PSPC1: variants seen among roughly 807,000 people sequenced by gnomAD.
PSPC1 encodes paraspeckle component 1.
PSPC1 carries 14 observed loss-of-function variants against 51.6 expected under a neutral mutation model. That is an observed-to-expected ratio of 0.27 (90% CI 0.18 to 0.42). The LOEUF (loss-of-function observed/expected upper bound fraction) is 0.42, where lower values mean the gene tolerates loss of function less well. Among genes scored for constraint, PSPC1 ranks in the 10% least tolerant of loss-of-function variants. PSPC1 has a pLI of 1.00. For missense variants in PSPC1, 406 were observed against 701.1 expected (o/e 0.58, Z 4.75); for synonymous variants, 193 against 231.9 (o/e 0.83, Z 1.53).
Position 19,778,504 on chromosome 13 carries a change from G to T in PSPC1, c.372+3882C>A, listed in dbSNP as rs1312104026. 6.2e-3 allele frequency among the ~76,000 whole-genome samples: 888 copies of T among 142,626 alleles called. 4 individuals are homozygous for T. Among genetic ancestry groups the T allele is most frequent in the Non-Finnish European group, 9.1e-3 (587 of 64,746 alleles). 93.6% of individuals were successfully genotyped at this position (142,626 alleles called of 152,430 possible). ...CTGCCTGATTCTCCTGCCTCAGTCT[G>T]CCGAATGCCTGCAATTGCAGGCACG... On this transcript the variant is annotated intron_variant, in intron 1 of 8. Transcript: ENST00000338910.
At chr13:19,751,911 A>T (rs1159403155) in intron 3 of PSPC1, among the ~76,000 whole-genome samples, 1 of 152,078 alleles carries the variant, frequency 6.6e-6, no homozygotes, top group Non-Finnish European at 1.5e-5. Flanking sequence ...CAAAAAAATT[A>T]GCCGGGCGTG....
intron 6 of PSPC1, chr13:19,677,924 A>G: frequency 2.3e-6 from 1 of 438,916 alleles, no homozygotes; most frequent in South Asian, 1.6e-5. Context: ...CATAACAGTA[A>G]TTGAGGTTTC....
intron 2 of PSPC1, among the ~76,000 whole-genome samples, chr13:19,767,278 A>G (rs1160554240): frequency 6.6e-6 from 1 of 152,208 alleles, no homozygotes; most frequent in Non-Finnish European, 1.5e-5. Context: ...ATTGTGTTGT[A>G]AAACAGCAGA....
intron 6 of PSPC1, among the ~76,000 whole-genome samples, chr13:19,680,182 T>TGAAAACC (rs1877113298): frequency 6.6e-6 from 1 of 152,034 alleles, no homozygotes; most frequent in Non-Finnish European, 1.5e-5. Flanking sequence ...GCCCAGCTAA[T>TGAAAACC]TTTTGTATTT....
intron 2 of PSPC1, among the ~76,000 whole-genome samples, chr13:19,768,807 T>G (rs996914481): frequency 6.6e-6 from 1 of 150,816 alleles, no homozygotes; most frequent in Non-Finnish European, 1.5e-5. Context: ...ACAATGAGAT[T>G]GCGCTAAACT....
chr13:19,743,044 G>C (rs1258062632), intron 4 of PSPC1, among the ~76,000 whole-genome samples: 1 of 152,114 alleles, frequency 6.6e-6, no homozygotes, highest in Non-Finnish European at 1.5e-5. Context: ...ATCAAGAATG[G>C]GGGGGTTCCA....
In PSPC1 at chr13:19,702,974, A is replaced by G; in HGVS notation, c.*201T>C. 1 of 454,878 alleles carries G rather than the reference A, an allele frequency of 2.2e-6. No homozygotes were observed. Among genetic ancestry groups the G allele is most frequent in the South Asian group, 3.5e-5 (1 of 28,640 alleles). The allele number at this position is 454,878 out of a possible 1,614,324, so 28.2% of individuals were successfully genotyped here. A position where few individuals can be genotyped will look rare whatever the true frequency, so the allele number is the denominator to read the frequency against. ...AGTCACAAACACATTTCAACATTCA[A>G]AATGATGAGCATCATTACCATTCTA... is the stretch of plus-strand genomic sequence containing the variant. On this transcript the variant is annotated 3_prime_UTR_variant, in exon 9 of 9. Coordinates refer to ENST00000338910, the MANE Select transcript of PSPC1 (RefSeq NM_001354909.2).
At chr13:19,683,270 A>G (rs1877489322) in intron 6 of PSPC1, among the ~76,000 whole-genome samples, 1 of 152,238 alleles carries the variant, frequency 6.6e-6, no homozygotes, top group East Asian at 1.9e-4. Flanking sequence ...CCAAGAGCAT[A>G]TCAATAGAAA....
At chr13:19,751,525 T>C in intron 3 of PSPC1, 58 bp from the exon 4 acceptor site, 1 of 1,261,920 alleles carries the variant, frequency 7.9e-7, no homozygotes, top group Non-Finnish European at 1.1e-6. Context: ...CAACAACAAA[T>C]GAGAACAACA....
chr13:19,684,247 C>T (rs1877598852), intron 6 of PSPC1, among the ~76,000 whole-genome samples: 1 of 152,090 alleles, frequency 6.6e-6, no homozygotes, highest in Admixed American at 6.6e-5. Flanking sequence ...CAAAAACAGT[C>T]AAGAAAAAAA....
chr13:19,715,026 A>G (rs1881926466), intron 6 of PSPC1, among the ~76,000 whole-genome samples: 1 of 152,220 alleles, frequency 6.6e-6, no homozygotes, highest in African/African-American at 2.4e-5. Context: ...ACAAAACATA[A>G]AACAACACCA....
At chr13:19,678,440 TATTC>T (rs945626650) in intron 6 of PSPC1, 2 of 152,290 alleles carry the variant, frequency 1.3e-5, no homozygotes, top group African/African-American at 4.8e-5. Context: ...ATGCCTGAAA[TATTC>T]ATACAGTCAT....
At chr13:19,720,627 A>C (rs1310289578) in intron 6 of PSPC1, among the ~76,000 whole-genome samples, 5 of 152,236 alleles carry the variant, frequency 3.3e-5, no homozygotes, top group African/African-American at 1.2e-4. Flanking sequence ...ATAAAAATCA[A>C]AGTTATTTAA....
chr13:19,680,360 T>C (rs1877140485), intron 6 of PSPC1, among the ~76,000 whole-genome samples: 2 of 152,158 alleles, frequency 1.3e-5, no homozygotes, highest in Admixed American at 6.5e-5. Context: ...TTACTTCTAT[T>C]CAATATTTGA....
intron 4 of PSPC1, among the ~76,000 whole-genome samples, chr13:19,743,503 G>A: frequency 6.6e-6 from 1 of 152,148 alleles, no homozygotes; most frequent in East Asian, 1.9e-4. Flanking sequence ...GATTCAGACA[G>A]ATTATAAAGT....
intron 3 of PSPC1, among the ~76,000 whole-genome samples, chr13:19,757,743 G>T (rs1186855194): frequency 6.6e-6 from 1 of 152,204 alleles, no homozygotes; most frequent in Admixed American, 6.5e-5. Flanking sequence ...ACACTGCAGA[G>T]TGTACTTTCA....
At chr13:19,674,496 G>A (rs1403895702), downstream of PSPC1, 3 of 152,172 alleles carry the variant, frequency 2.0e-5, no homozygotes, top group Non-Finnish European at 4.4e-5. Flanking sequence ...GCATTATACT[G>A]GGTAGCTTTG....
chr13:19,778,502 C>T (rs1889464907), intron 1 of PSPC1, among the ~76,000 whole-genome samples: 1 of 142,894 alleles, frequency 7.0e-6, no homozygotes, highest in African/African-American at 2.6e-5. Context: ...CTGCCTCAGT[C>T]TGCCGAATGC....
At chr13:19,684,002 C>T (rs1877575536) in intron 6 of PSPC1, among the ~76,000 whole-genome samples, 2 of 152,058 alleles carry the variant, frequency 1.3e-5, no homozygotes, top group South Asian at 4.1e-4. Context: ...AGTGCCCAGA[C>T]CTGAAAAATA....
Sources: allele counts gnomAD v4.1 joint callset (sites outside exome capture counted in the v4.1 genomes callset), GRCh38; gene constraint gnomAD v4.1.1; transcripts MANE v1.5; gene names NCBI Gene and HGNC (gene_info 2026-07-23, HGNC 2026-07-21).